Variants in IMMP2L observed in about 807,000 individuals in gnomAD.
IMMP2L encodes the protein mitochondrial inner membrane protease subunit 2.
In IMMP2L, 18 loss-of-function variants were observed where a neutral mutation model predicts 19.3. That is an observed-to-expected ratio of 0.93 (90% CI 0.64 to 1.38). The LOEUF is 1.38. Ranked by LOEUF, IMMP2L falls within the 40% of genes most tolerant of loss-of-function variation. The pLI, the probability that IMMP2L is intolerant of heterozygous loss-of-function variation, is 0.00. For synonymous variants in IMMP2L, 76 were observed against 73.0 expected (o/e 1.04, Z -0.21); for missense variants, 233 against 218.2 (o/e 1.07, Z -0.43).
chr7:110,890,899 C>G (rs1332354562), intron 4 of IMMP2L, among the ~76,000 whole-genome samples: 1 of 151,930 alleles, frequency 6.6e-6, no homozygotes, highest in Non-Finnish European at 1.5e-5. Context: ...CGGGTGAATA[C>G]AAAAGTATTG....
chr7:111,419,041 C>G (rs1563167884), intron 3 of IMMP2L, among the ~76,000 whole-genome samples: 1 of 151,734 alleles, frequency 6.6e-6, no homozygotes, highest in Non-Finnish European at 1.5e-5. Context: ...TTTCTGAAAG[C>G]CACTGCCATA....
intron 3 of IMMP2L, among the ~76,000 whole-genome samples, chr7:111,037,546 A>G (rs1791469159): frequency 6.6e-6 from 1 of 152,168 alleles, no homozygotes; most frequent in South Asian, 2.1e-4. Context: ...ATCCAGCTAT[A>G]TTTTGTGAAA....
chr7:110,692,314 G>C (rs1212184888), intron 5 of IMMP2L, among the ~76,000 whole-genome samples: 1 of 152,156 alleles, frequency 6.6e-6, no homozygotes, highest in Non-Finnish European at 1.5e-5. Context: ...GGCATATAGA[G>C]TGGTATAATG....
At chr7:110,789,136 C>G (rs931585833) in intron 5 of IMMP2L, among the ~76,000 whole-genome samples, 2 of 151,760 alleles carry the variant, frequency 1.3e-5, no homozygotes, top group African/African-American at 4.9e-5. Flanking sequence ...GAAGACACTT[C>G]CAGATAATTC....
In IMMP2L at chr7:111,123,833, T is replaced by C. The variant is rs140324286; in HGVS notation, c.240-160268A>G. 3.6e-5 allele frequency: 58 copies of C among 1,613,886 alleles called. No homozygotes were observed. The highest frequency in any genetic ancestry group is 4.5e-5 in the East Asian group (2 of 44,876). On this transcript the variant is annotated intron_variant, in intron 3 of 5. Transcript: ENST00000405709. This position sits in a 1 kb window ranked among gnomAD's most constrained non-coding sequence, Gnocchi z 6.4. ...CTCAGTGCCCTGTACCATGGTACCA[T>C]TGAGTCTCTGCCAAACCTCAAGGAA...
At position 110,733,874 on chromosome 7, in the gene IMMP2L, T is replaced by C. The variant is rs535451043; in HGVS notation, c.409-70153A>G. On this transcript the variant is annotated intron_variant, in intron 5 of 5. Transcript: ENST00000405709. ...GGATACAGCATCCAGGTACCATCTA[T>C]GAAGCAGAGGGCAAGCTTTCATCAG... Among the ~76,000 whole-genome samples the C allele has an allele frequency of 2.0e-5, 3 of 152,228 alleles. No individual in the cohort carries two copies. The South Asian group carries it at 6.2e-4, about 32-fold the overall frequency.
In IMMP2L at chr7:110,842,213, G is replaced by A. The variant is rs548724695; in HGVS notation, c.408+44380C>T. Among the ~76,000 whole-genome samples, 19 of 152,248 alleles carry A rather than the reference G, an allele frequency of 1.2e-4. No homozygotes were observed. The South Asian group carries it at 2.3e-3, about 18-fold the overall frequency. ...TCCACTTTTGAATCTGCTGAACAGG[G>A]AGAACAGGAAGAAAATATTTCAATA... On this transcript the variant is annotated intron_variant, in intron 5 of 5. Coordinates refer to ENST00000405709, the MANE Select transcript of IMMP2L (RefSeq NM_032549.4).
chr7:110,818,499 C>G (rs1490596409), intron 5 of IMMP2L, among the ~76,000 whole-genome samples: 46 of 152,192 alleles, frequency 3.0e-4, no homozygotes, highest in Non-Finnish European at 2.9e-5. Flanking sequence ...AATAGGAACA[C>G]TTTTACACTG....
intron 5 of IMMP2L, among the ~76,000 whole-genome samples, chr7:110,814,504 G>C (rs1240170043): frequency 6.7e-6 from 1 of 150,188 alleles, no homozygotes; most frequent in African/African-American, 2.4e-5. Context: ...AATTAAAAGA[G>C]GGAGCATTTA....
intron 3 of IMMP2L, among the ~76,000 whole-genome samples, chr7:111,038,845 G>A (rs956368165): frequency 2.0e-5 from 3 of 151,940 alleles, no homozygotes; most frequent in Non-Finnish European, 4.4e-5. Flanking sequence ...AAAATCCAGG[G>A]AATTGAATAT....
intron 3 of IMMP2L, among the ~76,000 whole-genome samples, chr7:111,021,375 T>C (rs1028525648): frequency 2.0e-5 from 3 of 152,246 alleles, no homozygotes; most frequent in Non-Finnish European, 2.9e-5. Flanking sequence ...TCTTTGTAAT[T>C]TGATTCCTTA....
intron 4 of IMMP2L, among the ~76,000 whole-genome samples, chr7:110,897,431 T>C (rs547874569): frequency 6.6e-6 from 1 of 152,296 alleles, no homozygotes; most frequent in African/African-American, 2.4e-5. Context: ...CATGACTCTA[T>C]AGCCAACAGC....
At chr7:111,117,244 C>T (rs945404934) in intron 3 of IMMP2L, among the ~76,000 whole-genome samples, 1 of 152,050 alleles carries the variant, frequency 6.6e-6, no homozygotes, top group Non-Finnish European at 1.5e-5. Flanking sequence ...AATTGTTAGA[C>T]ACCTTTGGAA....
chr7:111,532,164 A>T (rs1027702391), intron 1 of IMMP2L, among the ~76,000 whole-genome samples: 3 of 152,128 alleles, frequency 2.0e-5, no homozygotes, highest in African/African-American at 7.2e-5. Context: ...GTAATGGAAA[A>T]GTATCACTAG....
intron 3 of IMMP2L, among the ~76,000 whole-genome samples, chr7:111,395,593 A>G (rs62464567): frequency 1.3e-5 from 2 of 152,216 alleles, no homozygotes; most frequent in Non-Finnish European, 2.9e-5. Context: ...GTACTTTTAC[A>G]TATGTAATCT....
chr7:111,281,216 AAAAGAAAG>A (rs1177782720), intron 3 of IMMP2L, among the ~76,000 whole-genome samples: 4 of 38,760 alleles, frequency 1.0e-4, no homozygotes, highest in African/African-American at 1.9e-4. Context: ...GAAAGAAAGA[AAAAGAAAG>A]AAAGAAAGAA....
intron 3 of IMMP2L, among the ~76,000 whole-genome samples, chr7:111,150,976 C>A (rs1050262158): frequency 2.0e-5 from 3 of 152,224 alleles, no homozygotes; most frequent in Middle Eastern, 3.4e-3. Context: ...AGCTGTTTCC[C>A]ACCAGAGAAC....
At chr7:111,519,466 G>C (rs1263239270) in intron 2 of IMMP2L, among the ~76,000 whole-genome samples, 1 of 152,000 alleles carries the variant, frequency 6.6e-6, no homozygotes, top group African/African-American at 2.4e-5. Context: ...TTAGGGATAG[G>C]GCCTAGGAAT....
chr7:110,924,575 C>T lies in IMMP2L; in HGVS notation c.306-37880G>A, dbSNP rs1814648936. On this transcript the variant is annotated intron_variant, in intron 4 of 5. Transcript: ENST00000405709. This position sits in a 1 kb window ranked among gnomAD's most constrained non-coding sequence, Gnocchi z 4.2. Reference sequence around the variant, plus strand: ...GTAAATAAAGGGCAGATAATAACGTCCTCACTAGGAAACAGGATTCTCAAG... The same window carrying T: ...GTAAATAAAGGGCAGATAATAACGTTCTCACTAGGAAACAGGATTCTCAAG... 6.6e-6 allele frequency among the ~76,000 whole-genome samples: 1 copy of T among 152,072 alleles called. No individual in the cohort carries two copies. The highest frequency in any genetic ancestry group is 2.4e-5 in the African/African-American group (1 of 41,428).
Sources: gnomAD v4.1 joint callset for allele counts (sites outside exome capture counted in the v4.1 genomes callset) on GRCh38, gnomAD v4.1.1 for gene constraint, Gnocchi (gnomAD v3.1) non-coding constraint, MANE v1.5 for transcripts, NCBI Gene and HGNC (gene_info 2026-07-23, HGNC 2026-07-21) for gene names.